The following IFT56 variants were observed in gnomAD, a reference collection of about 807,000 sequenced individuals.
IFT56 encodes intraflagellar transport 56, also known as intraflagellar transport protein 56.
chr7:139,174,378 G>T, the IFT56 span: 1 of 455,590 alleles, frequency 2.2e-6, no homozygotes, highest in Non-Finnish European at 4.4e-6. Flanking sequence ...CTCCACTGGC[G>T]GCCCGCGTTG....
chr7:139,134,273 A>ATT, the IFT56 span, among the ~76,000 whole-genome samples: 15 of 141,398 alleles, frequency 1.1e-4, 1 homozygote, highest in South Asian at 2.2e-4. Flanking sequence ...TTGACTTATA[A>ATT]TTTTTTTTTT....
the IFT56 span, chr7:139,169,271 G>C: frequency 6.2e-7 from 1 of 1,610,708 alleles, no homozygotes; most frequent in Non-Finnish European, 8.5e-7. Flanking sequence ...CTCTATATCA[G>C]CTCAGTTTGT....
the IFT56 span, chr7:139,140,031 C>A: frequency 1.5e-6 from 2 of 1,372,282 alleles, no homozygotes; most frequent in Non-Finnish European, 2.0e-6. Context: ...ATCTGATATT[C>A]TTCATTCATA....
chr7:139,185,723 TG>T, the IFT56 span, among the ~76,000 whole-genome samples: 1 of 152,014 alleles, frequency 6.6e-6, no homozygotes, highest in African/African-American at 2.4e-5. Flanking sequence ...TGTCTTGACC[TG>T]GGTAGTGTTT....
chr7:139,159,600 C>G, the IFT56 span, among the ~76,000 whole-genome samples: 1 of 152,134 alleles, frequency 6.6e-6, no homozygotes, highest in Non-Finnish European at 1.5e-5. Flanking sequence ...TCACCTGGCA[C>G]AATATGGTCT....
the IFT56 span, among the ~76,000 whole-genome samples, chr7:139,181,680 T>C: frequency 3.9e-5 from 6 of 152,234 alleles, no homozygotes; most frequent in Admixed American, 3.3e-4. Flanking sequence ...TAGCCTACTA[T>C]ACACTTGGGC....
At chr7:139,146,425 G>A in the IFT56 span, among the ~76,000 whole-genome samples, 1 of 152,154 alleles carries the variant, frequency 6.6e-6, no homozygotes, top group Non-Finnish European at 1.5e-5. Flanking sequence ...GTTACATGAT[G>A]AGAAATACAT....
At chr7:139,149,081 G>A in the IFT56 span, among the ~76,000 whole-genome samples, 2 of 151,878 alleles carry the variant, frequency 1.3e-5, no homozygotes, top group Admixed American at 6.6e-5. Context: ...TGAGGCAGGC[G>A]GATCACAAGG....
chr7:139,140,851 C>CA, the IFT56 span, among the ~76,000 whole-genome samples: 2 of 149,126 alleles, frequency 1.3e-5, no homozygotes, highest in African/African-American at 4.9e-5. Context: ...AGAAAGTGGG[C>CA]ACTGTAATGT....
At chr7:139,139,895 C>T in the IFT56 span, 466 of 1,606,686 alleles carry the variant, frequency 2.9e-4, 9 homozygotes, top group South Asian at 3.9e-3. Flanking sequence ...TTCAGGAATA[C>T]GAAAATGCTA....
chr7:139,181,050 A>C, the IFT56 span: 1 of 1,296,436 alleles, frequency 7.7e-7, no homozygotes, highest in East Asian at 2.3e-5. Flanking sequence ...TTGTACAGTA[A>C]AAATGACTCA....
the IFT56 span, chr7:139,181,045 CA>C: frequency 8.5e-7 from 1 of 1,174,482 alleles, no homozygotes; most frequent in Non-Finnish European, 1.2e-6. Flanking sequence ...TATTTTTGTA[CA>C]GTAAAAATGA....
At chr7:139,174,544 C>T in the IFT56 span, among the ~76,000 whole-genome samples, 2 of 152,002 alleles carry the variant, frequency 1.3e-5, 1 homozygote, top group South Asian at 4.1e-4. Flanking sequence ...AAAAAAGCTT[C>T]TGCACAGCAA....
At chr7:139,160,028 C>A in the IFT56 span, among the ~76,000 whole-genome samples, 1 of 152,204 alleles carries the variant, frequency 6.6e-6, no homozygotes, top group Non-Finnish European at 1.5e-5. Flanking sequence ...TAAAAGGGAT[C>A]TTGAGACCAA....
At chr7:139,146,450 G>A in the IFT56 span, among the ~76,000 whole-genome samples, 39 of 152,048 alleles carry the variant, frequency 2.6e-4, no homozygotes, top group Non-Finnish European at 5.3e-4. Context: ...ATTCCCTATT[G>A]TCTACCAAGA....
At chr7:139,137,519 C>G in the IFT56 span, among the ~76,000 whole-genome samples, 1 of 152,202 alleles carries the variant, frequency 6.6e-6, no homozygotes, top group Non-Finnish European at 1.5e-5. Flanking sequence ...CATGGTTCAG[C>G]CTCTCTAACC....
the IFT56 span, among the ~76,000 whole-genome samples, chr7:139,149,922 G>T: frequency 6.6e-6 from 1 of 151,654 alleles, no homozygotes; most frequent in African/African-American, 2.4e-5. Flanking sequence ...TATAGATATA[G>T]GTAGATACAT....
chr7:139,168,965 C>G, the IFT56 span, among the ~76,000 whole-genome samples: 1 of 152,070 alleles, frequency 6.6e-6, no homozygotes, highest in Non-Finnish European at 1.5e-5. Flanking sequence ...AATAAATACT[C>G]CTTGTTATAT....
At chr7:139,182,381 G>T in the IFT56 span, among the ~76,000 whole-genome samples, 1 of 152,100 alleles carries the variant, frequency 6.6e-6, no homozygotes, top group Non-Finnish European at 1.5e-5. Flanking sequence ...AAAAATAACA[G>T]TTTAACATGA....
Sources: gnomAD v4.1 joint callset for allele counts (sites outside exome capture counted in the v4.1 genomes callset) on GRCh38, gnomAD v4.1.1 for gene constraint, MANE v1.5 for transcripts, NCBI Gene and HGNC (gene_info 2026-07-23, HGNC 2026-07-21) for gene names.